The following WRAP53 variants were observed in gnomAD, a reference collection of about 807,000 sequenced individuals.
The protein encoded by WRAP53 is telomerase Cajal body protein 1.
WRAP53 carries 28 observed loss-of-function variants against 56.6 expected under a neutral mutation model. The ratio of observed to expected loss-of-function variants is 0.50; its 90% CI spans 0.37 to 0.68. The LOEUF is 0.68. WRAP53 is among the 30% of genes least tolerant of loss of function. The pLI, the probability that WRAP53 is intolerant of heterozygous loss-of-function variation, is 0.00. For missense variants in WRAP53, 671 were observed against 715.5 expected (o/e 0.94, Z 0.71); for synonymous variants, 283 against 283.4 (o/e 1.00, Z 0.01).
chr17:7,691,947 C>T (rs1423241383), intron 4 of WRAP53, among the ~76,000 whole-genome samples: 1 of 152,120 alleles, frequency 6.6e-6, no homozygotes, highest in Non-Finnish European at 1.5e-5. Context: ...AGTGATTCTC[C>T]TGCCTCAACC....
intron 4 of WRAP53, among the ~76,000 whole-genome samples, chr17:7,693,340 A>G (rs1567573930): frequency 6.6e-6 from 1 of 152,150 alleles, no homozygotes; most frequent in Non-Finnish European, 1.5e-5. Context: ...TTAAATGACT[A>G]TAGTTTCTCT....
At chr17:7,686,239 C>T (rs1040846601), upstream of WRAP53, 5 of 152,186 alleles carry the variant, frequency 3.3e-5, no homozygotes, top group Admixed American at 6.5e-5. Flanking sequence ...ATTGTTTTTC[C>T]GACAAATTAT....
intron 4 of WRAP53, among the ~76,000 whole-genome samples, chr17:7,693,114 G>C (rs1448145666): frequency 6.6e-6 from 1 of 151,724 alleles, no homozygotes; most frequent in East Asian, 1.9e-4. Context: ...ACCTCCCTGC[G>C]CTGGAGCACT....
intron 4 of WRAP53, among the ~76,000 whole-genome samples, chr17:7,696,078 G>A (rs1164136151): frequency 6.6e-6 from 1 of 152,024 alleles, no homozygotes; most frequent in Non-Finnish European, 1.5e-5. Flanking sequence ...GGGGCGCCTT[G>A]CTTAGCTGGA....
At chr17:7,699,496 A>T (rs1417119597) in intron 4 of WRAP53, among the ~76,000 whole-genome samples, 122 of 12,184 alleles carry the variant, frequency 0.01, 11 homozygotes, top group South Asian at 0.012. Context: ...ATATATATAT[A>T]TATATTTATA....
Position 7,702,351 on chromosome 17 carries a change from G to C in WRAP53, c.963G>C (p.Lys321Asn), listed in dbSNP as rs1597422052. ...DCEVRATFAK[K>N]QGQSGIISCI... is the part of the protein sequence containing the mutation. ...TGTTCCTTCCCTCTCTAGCAAAAAA[G>C]CAGGGCCAGAGCGGCATCATCTCCT... Residue 321 changes from lysine to asparagine, a missense_variant, in exon 8 of 11, where the codon AAG (lysine) becomes AAC (asparagine). Physicochemically the swap from Lys to Asn is moderately conservative, Grantham distance 94 (BLOSUM62 0). Transcript: ENST00000396463. This position sits in a 1 kb window ranked among gnomAD's most constrained non-coding sequence, Gnocchi z 5.0. 1.9e-6 allele frequency: 3 copies of C among 1,614,126 alleles called. No homozygotes were observed. Among genetic ancestry groups the C allele is most frequent in the Non-Finnish European group, 2.5e-6 (3 of 1,180,026 alleles).
Position 7,688,528 on chromosome 17 carries a change from T to G in WRAP53, c.-35T>G. The G allele has an allele frequency of 9.1e-7, 1 of 1,092,980 alleles. No homozygotes were observed. The highest frequency in any genetic ancestry group is 1.3e-6 in the Non-Finnish European group (1 of 759,602). 67.7% of individuals were successfully genotyped at this position (1,092,980 alleles called of 1,614,324 possible). A position where few individuals can be genotyped will look rare whatever the true frequency, so the allele number is the denominator to read the frequency against. ...CTGTTCGCCTCTCCTCCCGGGAGTC[T>G]TCTGCCTACTCCCAGAAGAGGAGGG... On this transcript the variant is annotated 5_prime_UTR_variant, in exon 1 of 11. Transcript: ENST00000396463.
chr17:7,686,245 A>T (rs2073961959), upstream of WRAP53: 1 of 152,104 alleles, frequency 6.6e-6, no homozygotes, highest in Non-Finnish European at 1.5e-5. Context: ...TTTCCGACAA[A>T]TTATCAAACG....
chr17:7,692,744 TC>T (rs2074129817), intron 4 of WRAP53, among the ~76,000 whole-genome samples: 1 of 139,110 alleles, frequency 7.2e-6, no homozygotes, highest in Non-Finnish European at 1.5e-5. Context: ...TGGGTCATTC[TC>T]CTTTTTTTTT....
At chr17:7,691,910 C>T (rs1387028701) in intron 4 of WRAP53, among the ~76,000 whole-genome samples, 1 of 151,952 alleles carries the variant, frequency 6.6e-6, no homozygotes, top group East Asian at 2.0e-4. Flanking sequence ...CATCTCAGCT[C>T]ACCGCAACCT....
Position 7,702,028 on chromosome 17 carries a change from T to C in WRAP53, c.955+239T>C. On this transcript the variant is annotated intron_variant, in intron 7 of 10. Coordinates refer to ENST00000396463, the MANE Select transcript of WRAP53 (RefSeq NM_001143992.2). The surrounding 1 kb of genome is among the most constrained non-coding windows in gnomAD (Gnocchi z 5.0). ...TCCTGAACTCATACCCTGTCAGCTG[T>C]GGAGCTTTTGGTCTCTGAAATCTTT... is the stretch of plus-strand genomic sequence containing the variant. 1 of 751,620 alleles carries C rather than the reference T, an allele frequency of 1.3e-6. No homozygotes were observed. The highest frequency in any genetic ancestry group is 2.3e-6 in the Non-Finnish European group (1 of 432,350). The allele number at this position is 751,620 out of a possible 1,614,324, so 46.6% of individuals were successfully genotyped here.
At position 7,700,823 on chromosome 17, in the gene WRAP53, C is replaced by A; in HGVS notation, c.725C>A (p.Thr242Asn). The A allele has an allele frequency of 6.2e-7, 1 of 1,611,222 alleles. No homozygotes were observed. The highest frequency in any genetic ancestry group is 8.5e-7 in the Non-Finnish European group (1 of 1,177,534). Residue 242 changes from threonine to asparagine, a missense_variant, in exon 5 of 11, where the codon ACC becomes AAC. Thr to Asn is a moderately conservative substitution (Grantham distance 65). Coordinates refer to ENST00000396463, the MANE Select transcript of WRAP53 (RefSeq NM_001143992.2). ...YSLMSSAQPD[T>N]SYVASSSREN... ...CTGATGTCCTCAGCCCAGCCAGACA[C>A]CTCCTAGTAAGTAATGTTTGCCTCC...
chr17:7,702,603 C>A lies in WRAP53; in HGVS notation c.1164+51C>A. 4 of 1,596,790 alleles carry A rather than the reference C, an allele frequency of 2.5e-6. No homozygotes were observed. Among genetic ancestry groups the A allele is most frequent in the Non-Finnish European group, 3.4e-6 (4 of 1,176,154 alleles). The stretch of plus-strand genomic sequence containing the variant: ...AAGCAGCTGGGCAGCGGGGCAGGAG[C>A]AGGGATGTAGTCTGCAGTGTAGGGG... On this transcript the variant is annotated intron_variant, in intron 8 of 10. Coordinates refer to ENST00000396463, the MANE Select transcript of WRAP53 (RefSeq NM_001143992.2). This position sits in a 1 kb window ranked among gnomAD's most constrained non-coding sequence, Gnocchi z 5.0.
In WRAP53 at chr17:7,702,575, C is replaced by T; in HGVS notation, c.1164+23C>T. 6.2e-7 allele frequency: 1 copy of T among 1,602,860 alleles called. No individual in the cohort carries two copies. Among genetic ancestry groups the T allele is most frequent in the Non-Finnish European group, 8.5e-7 (1 of 1,178,356 alleles). On this transcript the variant is annotated intron_variant, in intron 8 of 10. Coordinates refer to ENST00000396463, the MANE Select transcript of WRAP53 (RefSeq NM_001143992.2). The surrounding 1 kb of genome is among the most constrained non-coding windows in gnomAD (Gnocchi z 5.0). ...AAGGTAGGGGTCACACCCTGAGAGC[C>T]CAAAGCAGCTGGGCAGCGGGGCAGG...
intron 4 of WRAP53, among the ~76,000 whole-genome samples, chr17:7,696,092 G>A (rs1178726809): frequency 2.6e-5 from 4 of 152,002 alleles, no homozygotes; most frequent in Non-Finnish European, 5.9e-5. Flanking sequence ...AGCTGGAGGG[G>A]TTAGGGAAGC....
rs371500722 is a variant in WRAP53, at chr17:7,701,708, C to T, written c.874C>T (p.Leu292Phe). 3 of 1,614,142 alleles carry T rather than the reference C, an allele frequency of 1.9e-6. No homozygotes were observed. In the African/African-American group the frequency reaches 4.0e-5, roughly 22 times the overall value. Residue 292 changes from leucine to phenylalanine, a missense_variant, in exon 7 of 11, where the codon CTC becomes TTC. Leu to Phe is a conservative substitution (Grantham distance 22). Coordinates refer to ENST00000396463, the MANE Select transcript of WRAP53 (RefSeq NM_001143992.2). The surrounding 1 kb of genome is among the most constrained non-coding windows in gnomAD (Gnocchi z 4.2). ...CTGCTTCTCCCCGGATGGCTCCCAG[C>T]TCTTCTGTGGCTTCAACCGGACTGT... ...SLCFSPDGSQ[L>F]FCGFNRTVRV...
At chr17:7,698,288 G>A (rs1320723467) in intron 4 of WRAP53, among the ~76,000 whole-genome samples, 1 of 152,178 alleles carries the variant, frequency 6.6e-6, no homozygotes, top group Non-Finnish European at 1.5e-5. Context: ...AAAAACATCA[G>A]TGATTCTAAA....
At chr17:7,699,382 C>A (rs1314087968) in intron 4 of WRAP53, among the ~76,000 whole-genome samples, 1 of 144,036 alleles carries the variant, frequency 6.9e-6, no homozygotes, top group Non-Finnish European at 1.5e-5. Flanking sequence ...GATCGTGCCA[C>A]TGCACTCAGC....
intron 4 of WRAP53, among the ~76,000 whole-genome samples, chr17:7,696,443 C>T (rs1250110106): frequency 2.0e-5 from 3 of 151,908 alleles, no homozygotes; most frequent in Non-Finnish European, 4.4e-5. Flanking sequence ...GGACTACAGG[C>T]GCCCGCCACC....
Sources: gnomAD v4.1 joint callset for allele counts (sites outside exome capture counted in the v4.1 genomes callset) on GRCh38, gnomAD v4.1.1 for gene constraint, Gnocchi (gnomAD v3.1) non-coding constraint, MANE v1.5 for transcripts, NCBI Gene and HGNC (gene_info 2026-07-23, HGNC 2026-07-21) for gene names.